The following LINC00305 variants were observed in gnomAD, a reference collection of about 807,000 sequenced individuals.
The protein encoded by LINC00305 is long independently transcribed non-coding RNA 305.
chr18:64,091,384 A>G (rs912257165), intron 3 of LINC00305, among the ~76,000 whole-genome samples: 1 of 152,228 alleles, frequency 6.6e-6, no homozygotes. Flanking sequence ...CTCTGCTCAC[A>G]TGGATGATGC....
chr18:64,130,436 A>T (rs1517162), intron 1 of LINC00305, among the ~76,000 whole-genome samples: 31,751 of 152,054 alleles, frequency 0.21, 4,188 homozygotes, highest in South Asian at 0.35. Context: ...ATTATCATCC[A>T]CCTGTTCTAC....
intron 1 of LINC00305, among the ~76,000 whole-genome samples, chr18:64,148,120 G>A (rs1288491049): frequency 9.2e-5 from 14 of 151,974 alleles, no homozygotes. Flanking sequence ...TAAGAAAGAA[G>A]CTTCCTATCT....
At chr18:64,106,425 A>G (rs751455320) in intron 1 of LINC00305, among the ~76,000 whole-genome samples, 1 of 151,864 alleles carries the variant, frequency 6.6e-6, no homozygotes, top group African/African-American at 2.4e-5. Context: ...ACAAACTTAG[A>G]TCTATTTTGT....
chr18:64,095,437 T>A (rs1433605581), intron 3 of LINC00305, among the ~76,000 whole-genome samples: 1 of 146,904 alleles, frequency 6.8e-6, no homozygotes, highest in Non-Finnish European at 1.5e-5. Context: ...ATGATCTCAC[T>A]AAAATATAAG....
At chr18:64,091,061 G>A (rs1475742647) in intron 3 of LINC00305, among the ~76,000 whole-genome samples, 1 of 152,194 alleles carries the variant, frequency 6.6e-6, no homozygotes, top group Non-Finnish European at 1.5e-5. Context: ...TTTCTACTAT[G>A]TGGTCATTGT....
chr18:64,109,236 C>G (rs936731818), intron 1 of LINC00305, among the ~76,000 whole-genome samples: 2 of 152,130 alleles, frequency 1.3e-5, no homozygotes, highest in African/African-American at 4.8e-5. Context: ...TAATTGGGGT[C>G]AGTGCACAGG....
intron 3 of LINC00305, chr18:64,097,833 C>A (rs1437189665): frequency 2.2e-6 from 1 of 457,270 alleles, no homozygotes; most frequent in South Asian, 1.6e-5. Flanking sequence ...ATTGAACTTA[C>A]CTTTATTCTT....
At chr18:64,104,291 C>T (rs1312493177) in intron 1 of LINC00305, 1 of 152,198 alleles carries the variant, frequency 6.6e-6, no homozygotes, top group East Asian at 1.9e-4. Context: ...AAGTGGGTTT[C>T]TGAAGTCTGC....
At chr18:64,120,899 A>G (rs1011770725) in intron 1 of LINC00305, among the ~76,000 whole-genome samples, 1 of 152,140 alleles carries the variant, frequency 6.6e-6, no homozygotes, top group Non-Finnish European at 1.5e-5. Flanking sequence ...ACTACTGGAA[A>G]ATGTGTTTCC....
At chr18:64,137,438 G>A (rs1180922573) in intron 1 of LINC00305, among the ~76,000 whole-genome samples, 2 of 152,202 alleles carry the variant, frequency 1.3e-5, no homozygotes, top group Non-Finnish European at 2.9e-5. Context: ...ATGAGCTATA[G>A]TCTTTCTGTC....
intron 1 of LINC00305, among the ~76,000 whole-genome samples, chr18:64,139,039 T>G (rs1250665924): frequency 1.3e-5 from 2 of 152,210 alleles, no homozygotes; most frequent in African/African-American, 4.8e-5. Flanking sequence ...ATAGAACTTT[T>G]GCAGGGAACA....
chr18:64,081,588 C>T (rs2051185216), intron 3 of LINC00305, among the ~76,000 whole-genome samples: 1 of 152,034 alleles, frequency 6.6e-6, no homozygotes, highest in African/African-American at 2.4e-5. Flanking sequence ...ACTTAAATGG[C>T]TTTTGTTTAA....
At chr18:64,114,475 C>T (rs182508725) in intron 1 of LINC00305, among the ~76,000 whole-genome samples, 64 of 152,286 alleles carry the variant, frequency 4.2e-4, no homozygotes, top group Non-Finnish European at 7.5e-4. Context: ...CATTTACACT[C>T]TACGTCTATA....
intron 1 of LINC00305, among the ~76,000 whole-genome samples, chr18:64,142,319 G>C (rs2051467614): frequency 6.6e-6 from 1 of 152,210 alleles, no homozygotes; most frequent in African/African-American, 2.4e-5. Context: ...CCTGGAGAGG[G>C]ATAGATAGAT....
At chr18:64,143,495 A>G (rs1481494641) in intron 1 of LINC00305, among the ~76,000 whole-genome samples, 3 of 148,924 alleles carry the variant, frequency 2.0e-5, no homozygotes, top group South Asian at 2.1e-4. Context: ...GTGTGTGTGT[A>G]TATATATATG....
intron 1 of LINC00305, among the ~76,000 whole-genome samples, chr18:64,140,204 A>G (rs1409976907): frequency 6.7e-6 from 1 of 150,074 alleles, no homozygotes; most frequent in Non-Finnish European, 1.5e-5. Context: ...CTCTGCTTTG[A>G]TTTTCTTTCT....
At chr18:64,129,200 T>G (rs2144266420) in intron 1 of LINC00305, among the ~76,000 whole-genome samples, 1 of 152,278 alleles carries the variant, frequency 6.6e-6, no homozygotes, top group South Asian at 2.1e-4. Context: ...CAATGTAGTT[T>G]TCTTTTTACT....
chr18:64,095,164 G>A (rs546914913), intron 3 of LINC00305, among the ~76,000 whole-genome samples: 34 of 152,226 alleles, frequency 2.2e-4, no homozygotes, highest in Non-Finnish European at 4.4e-4. Flanking sequence ...TAAAATTTGA[G>A]AGGCGATTTC....
chr18:64,129,955 TC>T (rs1437581616), intron 1 of LINC00305, among the ~76,000 whole-genome samples: 1 of 151,812 alleles, frequency 6.6e-6, no homozygotes, highest in African/African-American at 2.4e-5. Flanking sequence ...ATGCCAGTTT[TC>T]AATTGTCTGT....
Sources: allele counts gnomAD v4.1 joint callset (sites outside exome capture counted in the v4.1 genomes callset), GRCh38; gene constraint gnomAD v4.1.1; transcripts MANE v1.5; gene names NCBI Gene and HGNC (gene_info 2026-07-23, HGNC 2026-07-21).